Variants in C8orf34 observed in about 807,000 individuals in gnomAD.
C8orf34 encodes the protein uncharacterized protein C8orf34.
Under a neutral mutation model 68.3 loss-of-function variants are expected in C8orf34, and 65 were observed. The ratio of observed to expected loss-of-function variants is 0.95; its 90% confidence interval spans 0.78 to 1.17. The LOEUF (loss-of-function observed/expected upper bound fraction) is 1.17, where lower values mean the gene tolerates loss of function less well. C8orf34 is among the 50% of genes most tolerant of loss of function. C8orf34 has a pLI of 0.00. For synonymous variants in C8orf34, 244 were observed against 241.2 expected (o/e 1.01, Z -0.11); for missense variants, 664 against 655.4 (o/e 1.01, Z -0.14).
At chr8:68,465,328 T>A (rs1412021248) in intron 3 of C8orf34, among the ~76,000 whole-genome samples, 1 of 148,692 alleles carries the variant, frequency 6.7e-6, no homozygotes, top group African/African-American at 2.5e-5. Context: ...TGTGGAGAAA[T>A]AGGAACACTT....
intron 12 of C8orf34, among the ~76,000 whole-genome samples, chr8:68,815,354 A>AT (rs200106084): frequency 9.5e-6 from 1 of 105,356 alleles, no homozygotes; most frequent in Non-Finnish European, 2.0e-5. Context: ...GGGTACACAC[A>AT]TATATATATA....
chr8:68,486,774 G>C (rs1423123545), intron 4 of C8orf34, among the ~76,000 whole-genome samples: 1 of 152,180 alleles, frequency 6.6e-6, no homozygotes, highest in South Asian at 2.1e-4. Flanking sequence ...CTGCTTTCAG[G>C]TTCTTTCTTC....
chr8:68,450,982 A>G (rs1262885996), intron 3 of C8orf34, among the ~76,000 whole-genome samples: 1 of 152,114 alleles, frequency 6.6e-6, no homozygotes, highest in Non-Finnish European at 1.5e-5. Flanking sequence ...TTTTGTCTAC[A>G]TTGACAATCT....
At chr8:68,645,356 A>G (rs1819135899) in intron 8 of C8orf34, among the ~76,000 whole-genome samples, 1 of 152,170 alleles carries the variant, frequency 6.6e-6, no homozygotes, top group African/African-American at 2.4e-5. Context: ...GCATTTTAAA[A>G]TGCTTTGAGC....
chr8:68,589,735 G>A (rs1817322926), intron 7 of C8orf34, among the ~76,000 whole-genome samples: 1 of 145,828 alleles, frequency 6.9e-6, no homozygotes, highest in African/African-American at 2.5e-5. Context: ...AAGGGAGAGA[G>A]AAGGGAGAGA....
At chr8:68,541,569 C>T (rs907764470) in intron 7 of C8orf34, among the ~76,000 whole-genome samples, 14 of 152,140 alleles carry the variant, frequency 9.2e-5, no homozygotes, top group African/African-American at 2.2e-4. Flanking sequence ...ATGTAAGTTT[C>T]GTGCATGTTA....
intron 10 of C8orf34, among the ~76,000 whole-genome samples, chr8:68,754,612 T>C (rs999531675): frequency 6.6e-6 from 1 of 152,212 alleles, no homozygotes; most frequent in Non-Finnish European, 1.5e-5. Context: ...TGAATTAACG[T>C]CTGAGCTAAA....
Position 68,776,423 on chromosome 8 carries a change from C to A in C8orf34, c.1429C>A (p.His477Asn). 1 of 1,613,206 alleles carries A rather than the reference C, an allele frequency of 6.2e-7. No homozygotes were observed. Among genetic ancestry groups the A allele is most frequent in the Non-Finnish European group, 8.5e-7 (1 of 1,179,366 alleles). The change falls in exon 11 of 14, where the codon CAC becomes AAC. Residue 477 changes from histidine to asparagine, a missense_variant. By Grantham distance (68) the His-to-Asn change is moderately conservative. Transcript: ENST00000518698. Reference sequence around the variant, plus strand: ...GGGAGAAGCCTCCAGTGGAGTAGGACACTCACTGAAAAACTACATGGAAGA... The same window carrying A: ...GGGAGAAGCCTCCAGTGGAGTAGGAAACTCACTGAAAAACTACATGGAAGA... ...GPGEASSGVG[H>N]SLKNYMEEDE... is the part of the protein sequence containing the mutation.
At chr8:68,727,623 C>T (rs1012100594) in intron 10 of C8orf34, among the ~76,000 whole-genome samples, 15 of 152,236 alleles carry the variant, frequency 9.9e-5, no homozygotes, top group African/African-American at 3.6e-4. Flanking sequence ...GGCATCCAGG[C>T]GTTTCCATAT....
chr8:68,702,982 G>A (rs548577774), intron 8 of C8orf34, among the ~76,000 whole-genome samples: 77 of 152,142 alleles, frequency 5.1e-4, no homozygotes, highest in Middle Eastern at 6.8e-3. Context: ...GAAACATCAG[G>A]ATCAGTTGGA....
chr8:68,462,136 C>CA (rs1342987361), intron 3 of C8orf34, among the ~76,000 whole-genome samples: 1 of 151,960 alleles, frequency 6.6e-6, no homozygotes, highest in African/African-American at 2.4e-5. Context: ...GCAGGGGTTG[C>CA]AATCCTGGTC....
chr8:68,768,376 A>C (rs1823241779), intron 10 of C8orf34, among the ~76,000 whole-genome samples: 1 of 152,186 alleles, frequency 6.6e-6, no homozygotes. Context: ...TTTCAAGACA[A>C]GTCTGGTCCC....
chr8:68,386,576 A>T (rs1400444547), intron 1 of C8orf34, among the ~76,000 whole-genome samples: 3 of 152,092 alleles, frequency 2.0e-5, no homozygotes, highest in Non-Finnish European at 4.4e-5. Flanking sequence ...TTCTTCTATA[A>T]CCTCCTAAGT....
intron 1 of C8orf34, among the ~76,000 whole-genome samples, chr8:68,377,388 C>A (rs1807848088): frequency 7.4e-6 from 1 of 135,794 alleles, no homozygotes; most frequent in Non-Finnish European, 1.6e-5. Flanking sequence ...CAAAGGGAGA[C>A]CCTGTCTCAA....
At chr8:68,736,092 T>C (rs551153890) in intron 10 of C8orf34, among the ~76,000 whole-genome samples, 105 of 152,160 alleles carry the variant, frequency 6.9e-4, no homozygotes, top group Admixed American at 1.8e-3. Flanking sequence ...GCAAAGAAAA[T>C]AAATCATCTT....
intron 7 of C8orf34, among the ~76,000 whole-genome samples, chr8:68,544,799 G>T (rs530474346): frequency 1.3e-5 from 2 of 151,052 alleles, no homozygotes; most frequent in South Asian, 4.2e-4. Context: ...CAAATAATTC[G>T]GAAAAAAAAT....
At chr8:68,555,360 G>A (rs370910351) in intron 7 of C8orf34, among the ~76,000 whole-genome samples, 1 of 152,058 alleles carries the variant, frequency 6.6e-6, no homozygotes, top group Non-Finnish European at 1.5e-5. Context: ...GCAATAAGAA[G>A]CATTTTATGA....
chr8:68,381,475 G>C (rs1342707702), intron 1 of C8orf34, among the ~76,000 whole-genome samples: 2 of 152,066 alleles, frequency 1.3e-5, no homozygotes, highest in Admixed American at 6.5e-5. Context: ...GCTCACGCCT[G>C]TAATCCCAGC....
At chr8:68,500,548 G>C (rs1416866731) in intron 5 of C8orf34, among the ~76,000 whole-genome samples, 1 of 152,018 alleles carries the variant, frequency 6.6e-6, no homozygotes, top group African/African-American at 2.4e-5. Context: ...AGTGTTTAGG[G>C]ACAAAGGAGC....
Sources: allele counts gnomAD v4.1 joint callset (sites outside exome capture counted in the v4.1 genomes callset), GRCh38; gene constraint gnomAD v4.1.1; transcripts MANE v1.5; gene names NCBI Gene and HGNC (gene_info 2026-07-23, HGNC 2026-07-21).